Variants in LINGO2 observed in about 807,000 individuals in gnomAD.
LINGO2 encodes the protein leucine rich repeat and Ig domain containing 2.
In LINGO2, 14 loss-of-function variants were observed where a neutral mutation model predicts 30.6. The ratio of observed to expected loss-of-function variants is 0.46; its 90% confidence interval spans 0.30 to 0.72. The LOEUF is 0.72. Among genes scored for constraint, LINGO2 ranks in the 30% least tolerant of loss-of-function variants. LINGO2 has a pLI of 0.07. For missense variants in LINGO2, 729 were observed against 751.7 expected (o/e 0.97, Z 0.35); for synonymous variants, 317 against 288.5 (o/e 1.10, Z -1.00).
chr9:28,220,173 G>T (rs189471060), intron 4 of LINGO2, among the ~76,000 whole-genome samples: 16 of 152,226 alleles, frequency 1.1e-4, no homozygotes, highest in African/African-American at 3.6e-4. Flanking sequence ...TCATATAAGG[G>T]ACTAGAGAGT....
chr9:28,403,229 C>T (rs1455397868), intron 2 of LINGO2, among the ~76,000 whole-genome samples: 3 of 152,108 alleles, frequency 2.0e-5, no homozygotes, highest in African/African-American at 7.2e-5. Context: ...AATTAATGGG[C>T]TCCTTTCTCT....
chr9:28,607,102 T>G (rs1311786434), intron 1 of LINGO2, among the ~76,000 whole-genome samples: 2 of 152,028 alleles, frequency 1.3e-5, no homozygotes, highest in East Asian at 1.9e-4. Flanking sequence ...AGGAACTGTC[T>G]TATAAAACAA....
At position 28,038,288 on chromosome 9, in the gene LINGO2, C is replaced by T. The variant is rs146156496; in HGVS notation, c.-86-25883G>A. On this transcript the variant is annotated intron_variant, in intron 4 of 5. Transcript: ENST00000379992. ...ACCACTATGAGACCAGAAGGGGCCT[C>T]TAATGAGAAAAAAGAAGAGGATGTG... Among the ~76,000 whole-genome samples the T allele has an allele frequency of 9.8e-4, 149 of 152,064 alleles. No individual in the cohort carries two copies. In the East Asian group the frequency reaches 0.02, roughly 21 times the overall value.
At chr9:28,581,083 C>G (rs542548922) in intron 1 of LINGO2, among the ~76,000 whole-genome samples, 80 of 151,962 alleles carry the variant, frequency 5.3e-4, no homozygotes, top group Non-Finnish European at 9.7e-4. Flanking sequence ...TGCTATCTAA[C>G]CAGTAGTGGG....
chr9:28,848,854 T>TG, the LINGO2 span, among the ~76,000 whole-genome samples: 4 of 151,938 alleles, frequency 2.6e-5, no homozygotes, highest in African/African-American at 9.7e-5. Flanking sequence ...CCTTCTATGA[T>TG]GTGATTGTTT....
At chr9:29,023,359 C>G in the LINGO2 span, among the ~76,000 whole-genome samples, 1 of 152,038 alleles carries the variant, frequency 6.6e-6, no homozygotes, top group African/African-American at 2.4e-5. Context: ...AATTTAAGGA[C>G]AGCAGGACAC....
chr9:28,528,801 C>CAT (rs534961119), intron 1 of LINGO2, among the ~76,000 whole-genome samples: 9 of 151,872 alleles, frequency 5.9e-5, no homozygotes, highest in East Asian at 1.9e-4. Context: ...TATATATCCA[C>CAT]ATATATATAC....
At chr9:28,790,325 C>CTTTCTCTTTT in the LINGO2 span, among the ~76,000 whole-genome samples, 1 of 106,300 alleles carries the variant, frequency 9.4e-6, no homozygotes, top group African/African-American at 3.9e-5. Context: ...TCTTTTCTTT[C>CTTTCTCTTTT]TTTTTTTTTT....
chr9:27,999,436 C>CAGAGAGAGAGAGAGAGAGAGAGAGAG (rs36216761), intron 5 of LINGO2, among the ~76,000 whole-genome samples: 23 of 143,760 alleles, frequency 1.6e-4, no homozygotes, highest in African/African-American at 5.9e-4. Context: ...GCCTAATCTT[C>CAGAGAGAGAGAGAGAGAGAGAGAGAG]AGAGAGAGAG....
chr9:29,060,010 T>C, the LINGO2 span, among the ~76,000 whole-genome samples: 3 of 152,064 alleles, frequency 2.0e-5, no homozygotes, highest in Non-Finnish European at 4.4e-5. Flanking sequence ...AAAATTCAAC[T>C]TCTAGAAAAC....
the LINGO2 span, among the ~76,000 whole-genome samples, chr9:28,960,827 T>C: frequency 1.2e-5 from 1 of 85,972 alleles, no homozygotes; most frequent in South Asian, 3.6e-4. Context: ...TTCTAGAAAA[T>C]GTTGAAAAAA....
chr9:27,989,642 A>G (rs749974190), intron 5 of LINGO2, among the ~76,000 whole-genome samples: 3 of 152,014 alleles, frequency 2.0e-5, no homozygotes, highest in Non-Finnish European at 4.4e-5. Context: ...GATTATGCAC[A>G]GCTGGAACCA....
the LINGO2 span, among the ~76,000 whole-genome samples, chr9:29,067,855 C>T: frequency 6.6e-6 from 1 of 150,826 alleles, no homozygotes; most frequent in Non-Finnish European, 1.5e-5. Context: ...TTTAAGGATA[C>T]TACCAAGAAG....
At chr9:29,123,297 C>A in the LINGO2 span, among the ~76,000 whole-genome samples, 1 of 151,944 alleles carries the variant, frequency 6.6e-6, no homozygotes, top group Non-Finnish European at 1.5e-5. Context: ...TACTTTCTTG[C>A]TATACACTTA....
intron 4 of LINGO2, among the ~76,000 whole-genome samples, chr9:28,034,402 C>T (rs936968054): frequency 6.6e-6 from 1 of 152,154 alleles, no homozygotes; most frequent in Non-Finnish European, 1.5e-5. Flanking sequence ...GGAGCATTTT[C>T]TGACAGTTTT....
chr9:28,265,653 T>C (rs1045325300), intron 4 of LINGO2, among the ~76,000 whole-genome samples: 1 of 151,998 alleles, frequency 6.6e-6, no homozygotes, highest in African/African-American at 2.4e-5. Context: ...ACTTGAGAAA[T>C]TTAAAGCAAA....
At chr9:28,788,073 G>C in the LINGO2 span, among the ~76,000 whole-genome samples, 1 of 152,060 alleles carries the variant, frequency 6.6e-6, no homozygotes, top group Admixed American at 6.6e-5. Flanking sequence ...AATTGAACAG[G>C]ACTGAGTACT....
At chr9:28,451,632 A>G (rs1463416302) in intron 2 of LINGO2, among the ~76,000 whole-genome samples, 1 of 151,744 alleles carries the variant, frequency 6.6e-6, no homozygotes, top group Non-Finnish European at 1.5e-5. Flanking sequence ...TGGGAGCAAT[A>G]TTGACAATCT....
intron 3 of LINGO2, among the ~76,000 whole-genome samples, chr9:28,299,042 G>C (rs1258759861): frequency 3.9e-5 from 6 of 152,078 alleles, no homozygotes; most frequent in Admixed American, 2.6e-4. Flanking sequence ...CTTTTCAAAG[G>C]ATCCCCTTAG....
Sources: gnomAD v4.1 joint callset for allele counts (sites outside exome capture counted in the v4.1 genomes callset) on GRCh38, gnomAD v4.1.1 for gene constraint, MANE v1.5 for transcripts, NCBI Gene and HGNC (gene_info 2026-07-23, HGNC 2026-07-21) for gene names.